FCRLB: variants seen among roughly 807,000 people sequenced by gnomAD.
The protein encoded by FCRLB is Fc receptor like B.
In FCRLB, 34 loss-of-function variants were observed where a neutral mutation model predicts 33.6. That is an observed-to-expected ratio of 1.01 (90% CI 0.77 to 1.35). The LOEUF (loss-of-function observed/expected upper bound fraction) is 1.35. FCRLB is among the 40% of genes most tolerant of loss of function. The pLI is 0.00. For synonymous variants in FCRLB, 280 were observed against 255.9 expected, an observed-to-expected ratio of 1.09 and a Z score of -0.90; for missense variants, 560 against 580.2, an observed-to-expected ratio of 0.97 and a Z score of 0.36.
At chr1:161,722,998 G>T in exon 4 of FCRLB, 1 of 1,613,798 alleles carries the variant, frequency 6.2e-7, no homozygotes, top group South Asian at 1.1e-5. Flanking sequence ...GTTCCAAGCA[G>T]TGGGCAAGCT....
At position 161,727,256 on chromosome 1, in the gene FCRLB, T is replaced by C. The variant is rs768638171; in HGVS notation, c.875T>C (p.Leu292Pro). ...CGTAATGCATTCACAGGTTCTCCCC[T>C]GGACCCGGCCTCCACCACCGCCCCA... The change falls in exon 8 of 8, where the codon CTG becomes CCG. Residue 292 changes from leucine to proline, a missense_variant. By Grantham distance (98) the Leu-to-Pro change is moderately conservative (BLOSUM62 -3). Coordinates refer to ENST00000367948, the Ensembl canonical transcript of FCRLB. 56 of 1,575,888 alleles carry C rather than the reference T, an allele frequency of 3.6e-5. No homozygotes were observed. The highest frequency in any genetic ancestry group is 2.6e-4 in the African/African-American group (19 of 72,584).
exon 8 of FCRLB, chr1:161,727,610 C>T (rs1444682431): frequency 1.2e-6 from 2 of 1,614,186 alleles, no homozygotes; most frequent in Non-Finnish European, 1.7e-6. Flanking sequence ...ACCCCCACCT[C>T]TCACTTTGCT....
At position 161,726,049 on chromosome 1, in the gene FCRLB, C is replaced by G; in HGVS notation, c.536C>G (p.Ala179Gly). The stretch of plus-strand genomic sequence containing the variant: ...ACCATGCGCATCCCGGTGGAGAGCG[C>G]GCCCATGTTCTCCGCTAAGGTGGCT... The change falls in exon 6 of 8, where the codon GCG becomes GGG. Residue 179 changes from alanine to glycine, a missense_variant. Coordinates refer to ENST00000367948, the Ensembl canonical transcript of FCRLB. The surrounding 1 kb of genome is among the most constrained non-coding windows in gnomAD (Gnocchi z 5.2). 1 of 1,612,738 alleles carries G rather than the reference C, an allele frequency of 6.2e-7. No individual in the cohort carries two copies. The highest frequency in any genetic ancestry group is 8.5e-7 in the Non-Finnish European group (1 of 1,179,130).
At chr1:161,722,626 T>C (rs756251156) in intron 2 of FCRLB, 27 bp from the exon 3 acceptor site, 1 of 1,611,738 alleles carries the variant, frequency 6.2e-7, no homozygotes, top group South Asian at 1.1e-5. Context: ...CCCCATCTCA[T>C]GCCAGTGCAT....
chr1:161,726,942 G>A lies in FCRLB; in HGVS notation c.814G>A (p.Ala272Thr), dbSNP rs1351449004. The A allele has an allele frequency of 3.2e-6, 5 of 1,553,134 alleles. No individual in the cohort carries two copies. Among genetic ancestry groups the A allele is most frequent in the South Asian group, 1.2e-5 (1 of 83,722 alleles). Reference sequence around the variant, plus strand: ...ATCGTACTGGTGCGAGGCGGCTACCGCCACCCGCAGTGTCCGGAAACGCAG... The same window carrying A: ...ATCGTACTGGTGCGAGGCGGCTACCACCACCCGCAGTGTCCGGAAACGCAG... The change falls in exon 7 of 8, where the codon GCC becomes ACC. Residue 272 changes from alanine to threonine, a missense_variant. Ala to Thr is a moderately conservative substitution (Grantham distance 58). Transcript: ENST00000367948. This position sits in a 1 kb window ranked among gnomAD's most constrained non-coding sequence, Gnocchi z 5.2.
Position 161,726,035 on chromosome 1 carries a change from C to G in FCRLB, c.522C>G (p.Ile174Met), listed in dbSNP as rs1347823532. Residue 174 changes from isoleucine to methionine, a missense_variant, in exon 6 of 8, where the codon ATC (isoleucine) becomes ATG (methionine). By Grantham distance (10) the Ile-to-Met change is conservative. Transcript: ENST00000367948. This position sits in a 1 kb window ranked among gnomAD's most constrained non-coding sequence, Gnocchi z 5.2. ...ACCAGTGCTCGGGCACCATGCGCAT[C>G]CCGGTGGAGAGCGCGCCCATGTTCT... 6.2e-7 allele frequency: 1 copy of G among 1,613,410 alleles called. No homozygotes were observed. Among genetic ancestry groups the G allele is most frequent in the African/African-American group, 1.3e-5 (1 of 74,940 alleles).
Position 161,726,780 on chromosome 1 carries a change from C to CGCTG in FCRLB, c.653_656dup (p.Cys219TrpfsTer94), listed in dbSNP as rs1436635160. Reference sequence around the variant, plus strand: ...CGCGGCGCTGGGTGGGGTGGTGCTGCGCTGCGACACGCGCCTGCACCCGCA... The same window carrying CGCTG: ...CGCGGCGCTGGGTGGGGTGGTGCTGCGCTGGCTGCGACACGCGCCTGCACCCGCA... On this transcript the variant is annotated frameshift_variant, in exon 7 of 8. Coordinates refer to ENST00000367948, the Ensembl canonical transcript of FCRLB. LOFTEE classifies it high-confidence loss of function. This position sits in a 1 kb window ranked among gnomAD's most constrained non-coding sequence, Gnocchi z 5.2. The CGCTG allele has an allele frequency of 6.4e-7, 1 of 1,571,262 alleles. No individual in the cohort carries two copies. Among genetic ancestry groups the CGCTG allele is most frequent in the Non-Finnish European group, 8.6e-7 (1 of 1,161,848 alleles).
At chr1:161,727,166 C>G (rs1173951333) in intron 7 of FCRLB, 81 bp from the exon 8 acceptor site, 2 of 1,434,778 alleles carry the variant, frequency 1.4e-6, no homozygotes, top group South Asian at 1.4e-5. Context: ...CATCCCCGCC[C>G]ACCGCCCTAC....
chr1:161,725,397 T>C (rs575301492), intron 5 of FCRLB, among the ~76,000 whole-genome samples: 6 of 152,004 alleles, frequency 3.9e-5, no homozygotes, highest in Non-Finnish European at 8.8e-5. Flanking sequence ...TCCCACCACT[T>C]TGGGAGGCCG....
intron 5 of FCRLB, among the ~76,000 whole-genome samples, chr1:161,723,938 G>C (rs530215579): frequency 1.6e-4 from 25 of 152,170 alleles, no homozygotes; most frequent in Non-Finnish European, 2.9e-4. Flanking sequence ...GAGAACTTTA[G>C]GGGGTTGGGG....
rs765426588 is a variant in FCRLB at position 161,726,204 on chromosome 1, C to CT, written c.574+118dup. 7.3e-6 allele frequency: 11 copies of CT among 1,501,020 alleles called. No homozygotes were observed. In the Admixed American group the frequency reaches 1.4e-4, roughly 19 times the overall value. 93.0% of individuals were successfully genotyped at this position (1,501,020 alleles called of 1,614,324 possible). On this transcript the variant is annotated intron_variant, in intron 6 of 7. Transcript: ENST00000367948. The surrounding 1 kb of genome is among the most constrained non-coding windows in gnomAD (Gnocchi z 5.2). ...CAAATAGCTGCCACTTGGAGGGTTT[C>CT]TCTTAGACTATGGACGCTGTCTCCT... is the stretch of plus-strand genomic sequence containing the variant.
Position 161,723,641 on chromosome 1 carries a change from G to C in FCRLB, c.307+20G>C. On this transcript the variant is annotated intron_variant, in intron 5 of 7. Coordinates refer to ENST00000367948, the Ensembl canonical transcript of FCRLB. Reference sequence around the variant, plus strand: ...CCAATGGTGAGTGGACTGAGCACGAGGGGAGGGGGAGCACGTGTCTCCTCT... The same window carrying C: ...CCAATGGTGAGTGGACTGAGCACGACGGGAGGGGGAGCACGTGTCTCCTCT... 6.2e-7 allele frequency: 1 copy of C among 1,606,910 alleles called. No individual in the cohort carries two copies. Among genetic ancestry groups the C allele is most frequent in the Non-Finnish European group, 8.5e-7 (1 of 1,174,976 alleles).
chr1:161,727,386 C>T (rs770543893), exon 8 of FCRLB: 8 of 1,613,530 alleles, frequency 5.0e-6, no homozygotes, highest in African/African-American at 4.0e-5. Context: ...GGAACACCAC[C>T]TCCACCGGGC....
At chr1:161,725,685 G>A in intron 5 of FCRLB, 136 bp from the exon 6 acceptor site, 1 of 1,105,500 alleles carries the variant, frequency 9.0e-7, no homozygotes, top group Non-Finnish European at 1.3e-6. Context: ...AAAAAGAAAA[G>A]AAAAGAAAGC....
At position 161,726,793 on chromosome 1, in the gene FCRLB, G is replaced by A. The variant is rs1046120362; in HGVS notation, c.665G>A (p.Arg222His). Residue 222 changes from arginine to histidine, a missense_variant, in exon 7 of 8, where the codon CGC (arginine) becomes CAC (histidine). Coordinates refer to ENST00000367948, the Ensembl canonical transcript of FCRLB. This position sits in a 1 kb window ranked among gnomAD's most constrained non-coding sequence, Gnocchi z 5.2. The stretch of plus-strand genomic sequence containing the variant: ...GGGGTGGTGCTGCGCTGCGACACGC[G>A]CCTGCACCCGCAGAAGCGCGACACG... 3.8e-6 allele frequency: 6 copies of A among 1,564,100 alleles called. No individual in the cohort carries two copies. The highest frequency in any genetic ancestry group is 2.3e-5 in the East Asian group (1 of 42,806).
exon 6 of FCRLB, chr1:161,725,997 G>A: frequency 2.5e-6 from 4 of 1,614,182 alleles, no homozygotes; most frequent in Non-Finnish European, 3.4e-6. Context: ...GCGTGCCAGC[G>A]ACAGCGGGCG....
chr1:161,727,353 G>A (rs922740553), exon 8 of FCRLB: 1 of 1,613,598 alleles, frequency 6.2e-7, no homozygotes, highest in Non-Finnish European at 8.5e-7. Context: ...TGTCCAGATC[G>A]GTCCCGTTGG....
In FCRLB at chr1:161,726,378, G is replaced by A. The variant is rs1208585254; in HGVS notation, c.574+291G>A. ...GCAGGGGCCACTGTGGGACTGGGAC[G>A]AAGGAGCGACTCCCTAGCGTCCTGC... On this transcript the variant is annotated intron_variant, in intron 6 of 7. Coordinates refer to ENST00000367948, the Ensembl canonical transcript of FCRLB. The surrounding 1 kb of genome is among the most constrained non-coding windows in gnomAD (Gnocchi z 5.2). 6.9e-6 allele frequency: 5 copies of A among 723,892 alleles called. No homozygotes were observed. The highest frequency in any genetic ancestry group is 1.2e-5 in the Non-Finnish European group (5 of 407,298). 44.8% of individuals were successfully genotyped at this position (723,892 alleles called of 1,614,324 possible). A position where few individuals can be genotyped will look rare whatever the true frequency, so the allele number is the denominator to read the frequency against.
At position 161,727,013 on chromosome 1, in the gene FCRLB, C is replaced by T. The variant is rs1235947994; in HGVS notation, c.865+20C>T. Reference sequence around the variant, plus strand: ...GGCCGGGTGAGTGCCTGCACACCCTCCCGGACGCCGACCCTGGCGGTCAGC... The same window carrying T: ...GGCCGGGTGAGTGCCTGCACACCCTTCCGGACGCCGACCCTGGCGGTCAGC... On this transcript the variant is annotated intron_variant, in intron 7 of 7. Coordinates refer to ENST00000367948, the Ensembl canonical transcript of FCRLB. 2.1e-5 allele frequency: 31 copies of T among 1,485,972 alleles called. No homozygotes were observed. The highest frequency in any genetic ancestry group is 2.7e-5 in the Non-Finnish European group (30 of 1,119,216). 92.0% of individuals were successfully genotyped at this position (1,485,972 alleles called of 1,614,324 possible). A position where few individuals can be genotyped will look rare whatever the true frequency, so the allele number is the denominator to read the frequency against.
Sources: gnomAD v4.1 joint callset for allele counts (sites outside exome capture counted in the v4.1 genomes callset) on GRCh38, gnomAD v4.1.1 for gene constraint, Gnocchi (gnomAD v3.1) non-coding constraint, MANE v1.5 for transcripts, NCBI Gene and HGNC (gene_info 2026-07-23, HGNC 2026-07-21) for gene names.